TMPRSS15: variants seen among roughly 807,000 people sequenced by gnomAD.
TMPRSS15 encodes the protein enteropeptidase.
TMPRSS15 carries 128 observed loss-of-function variants against 125.3 expected under a neutral mutation model. That is an observed-to-expected ratio of 1.02 (90% CI 0.89 to 1.18). The LOEUF (loss-of-function observed/expected upper bound fraction) is 1.18, where lower values mean the gene tolerates loss of function less well. Ranked by LOEUF, TMPRSS15 falls within the 50% of genes most tolerant of loss-of-function variation. The pLI is 0.00. For missense variants in TMPRSS15, 1,283 were observed against 1,212.7 expected (o/e 1.06, Z -0.86); for synonymous variants, 446 against 423.2 (o/e 1.05, Z -0.66).
chr21:18,429,013 C>G, intron 1 of TMPRSS15, among the ~76,000 whole-genome samples: 1 of 152,170 alleles, frequency 6.6e-6, no homozygotes, highest in East Asian at 1.9e-4. Context: ...CAGGACAGAG[C>G]TGCCCAAGAC....
chr21:18,334,512 T>A (rs1405216218), intron 13 of TMPRSS15, among the ~76,000 whole-genome samples: 1 of 152,160 alleles, frequency 6.6e-6, no homozygotes, highest in Non-Finnish European at 1.5e-5. Context: ...GACAACTAGA[T>A]ATATATTAAG....
intron 1 of TMPRSS15, among the ~76,000 whole-genome samples, chr21:18,436,932 T>C (rs2076229222): frequency 9.2e-6 from 1 of 108,680 alleles, no homozygotes; most frequent in Non-Finnish European, 1.9e-5. Flanking sequence ...GCCATCCCCA[T>C]CAAGCTACCA....
At chr21:18,391,419 G>T (rs561541781) in intron 3 of TMPRSS15, among the ~76,000 whole-genome samples, 20 of 152,332 alleles carry the variant, frequency 1.3e-4, no homozygotes, top group African/African-American at 4.8e-4. Flanking sequence ...AGGGGCTACA[G>T]GCCCCATGCA....
intron 3 of TMPRSS15, among the ~76,000 whole-genome samples, chr21:18,385,992 C>T (rs1392484462): frequency 6.6e-6 from 1 of 152,140 alleles, no homozygotes; most frequent in East Asian, 1.9e-4. Context: ...ATCCTCCTGC[C>T]TTGGCCTCCC....
chr21:18,282,903 G>A (rs1325112539), intron 21 of TMPRSS15, among the ~76,000 whole-genome samples: 1 of 152,114 alleles, frequency 6.6e-6, no homozygotes, highest in Non-Finnish European at 1.5e-5. Flanking sequence ...AGGAAGGACT[G>A]GAGATGTGGG....
chr21:18,376,066 G>A (rs751888084), intron 5 of TMPRSS15, among the ~76,000 whole-genome samples: 1 of 152,114 alleles, frequency 6.6e-6, no homozygotes, highest in Non-Finnish European at 1.5e-5. Flanking sequence ...GATCCTGATA[G>A]CTTACTCAAT....
At chr21:18,359,969 A>G (rs1460441575) in intron 7 of TMPRSS15, 106 bp from the exon 8 acceptor site, 4 of 629,182 alleles carry the variant, frequency 6.4e-6, no homozygotes, top group Admixed American at 4.5e-5. Context: ...ACCACATAAT[A>G]TGATATCTAC....
chr21:18,320,255 A>G (rs9979312), intron 16 of TMPRSS15, among the ~76,000 whole-genome samples: 1 of 151,618 alleles, frequency 6.6e-6, no homozygotes, highest in African/African-American at 2.4e-5. Context: ...ATTTTAATAT[A>G]CTTTATTTAA....
chr21:18,415,971 C>T (rs1249194376), intron 1 of TMPRSS15, among the ~76,000 whole-genome samples: 2 of 151,868 alleles, frequency 1.3e-5, no homozygotes, highest in African/African-American at 2.4e-5. Flanking sequence ...ACAAAATCAA[C>T]GTACAAAAAA....
At chr21:18,317,155 C>A (rs1020406212) in intron 16 of TMPRSS15, among the ~76,000 whole-genome samples, 1 of 152,000 alleles carries the variant, frequency 6.6e-6, no homozygotes, top group Admixed American at 6.6e-5. Flanking sequence ...TAAAAATATC[C>A]ATGGAGACTT....
intron 5 of TMPRSS15, among the ~76,000 whole-genome samples, chr21:18,376,468 T>C (rs1422219957): frequency 6.6e-6 from 1 of 152,218 alleles, no homozygotes; most frequent in Non-Finnish European, 1.5e-5. Flanking sequence ...TACCTTGAGT[T>C]GTTTTGGCCC....
Position 18,294,593 on chromosome 21 carries a change from A to G in TMPRSS15, c.2311+10T>C, listed in dbSNP as rs2824718. 684,725 of 1,607,862 alleles carry G rather than the reference A, an allele frequency of 0.43. 152,022 individuals carry two copies. The highest frequency in any genetic ancestry group is 0.6 in the East Asian group (26,794 of 44,824). On this transcript the variant is annotated intron_variant, in intron 20 of 24. Coordinates refer to ENST00000284885, the MANE Select transcript of TMPRSS15 (RefSeq NM_002772.3). ...TGCTTGAAGTGGGATATGACAACAT[A>G]TTTACTTACATTTATGGTTACACTG...
chr21:18,404,980 A>G (rs1487118331), upstream of TMPRSS15, among the ~76,000 whole-genome samples: 1 of 152,122 alleles, frequency 6.6e-6, no homozygotes, highest in Non-Finnish European at 1.5e-5. Context: ...TATTTTATTT[A>G]TATTCTAGGG....
At chr21:18,472,919 GATTC>G (rs1978808885) in intron 1 of TMPRSS15, among the ~76,000 whole-genome samples, 1 of 152,030 alleles carries the variant, frequency 6.6e-6, no homozygotes, top group Non-Finnish European at 1.5e-5. Context: ...AGATTGATAA[GATTC>G]ATTTAATAAG....
At chr21:18,413,352 CTTCCTTCCT>C (rs1412524867) in intron 1 of TMPRSS15, among the ~76,000 whole-genome samples, 4 of 133,030 alleles carry the variant, frequency 3.0e-5, no homozygotes, top group East Asian at 4.3e-4. Context: ...TCCTTCCTTC[CTTCCTTCCT>C]TTCCTTCCTT....
intron 1 of TMPRSS15, chr21:18,477,491 T>G (rs1362502611): frequency 1.3e-5 from 2 of 152,138 alleles, no homozygotes; most frequent in African/African-American, 4.8e-5. Flanking sequence ...TTTAGGGCTT[T>G]TAGTTGCAAG....
intron 1 of TMPRSS15, among the ~76,000 whole-genome samples, chr21:18,472,825 T>C (rs554140602): frequency 1.3e-5 from 2 of 152,190 alleles, no homozygotes; most frequent in African/African-American, 2.4e-5. Context: ...AACTGCAGTA[T>C]AATTATTTAA....
intron 12 of TMPRSS15, among the ~76,000 whole-genome samples, chr21:18,342,923 T>C (rs2075463743): frequency 6.6e-6 from 1 of 152,216 alleles, no homozygotes; most frequent in Non-Finnish European, 1.5e-5. Flanking sequence ...TAATAGCCTC[T>C]ATTATGCCAT....
intron 21 of TMPRSS15, among the ~76,000 whole-genome samples, chr21:18,284,481 G>A (rs1316895518): frequency 1.3e-5 from 2 of 152,198 alleles, no homozygotes; most frequent in Admixed American, 6.5e-5. Context: ...GAGCAATGCA[G>A]AAAACTTCCT....
Sources: allele counts gnomAD v4.1 joint callset (sites outside exome capture counted in the v4.1 genomes callset), GRCh38; gene constraint gnomAD v4.1.1; transcripts MANE v1.5; gene names NCBI Gene and HGNC (gene_info 2026-07-23, HGNC 2026-07-21).